WDR89: variants seen among roughly 807,000 people sequenced by gnomAD.
WDR89 encodes the protein WD repeat-containing protein 89.
WDR89 carries 17 observed loss-of-function variants against 29.1 expected under a neutral mutation model. That is an observed-to-expected ratio of 0.58 (90% CI 0.40 to 0.88). The LOEUF is 0.88. WDR89 is among the 40% of genes least tolerant of loss of function. WDR89 has a pLI of 0.00. For synonymous variants in WDR89, 138 were observed against 157.8 expected (o/e 0.87, Z 0.94); for missense variants, 396 against 456.3 (o/e 0.87, Z 1.20).
chr14:63,638,575 T>G (rs1289484847), intron 1 of WDR89, among the ~76,000 whole-genome samples: 1 of 152,246 alleles, frequency 6.6e-6, no homozygotes, highest in Non-Finnish European at 1.5e-5. Flanking sequence ...ATTATAAGAT[T>G]AGAATTCAAA....
intron 2 of WDR89, among the ~76,000 whole-genome samples, chr14:63,607,447 TA>T (rs1895370123): frequency 6.6e-6 from 1 of 152,060 alleles, no homozygotes; most frequent in East Asian, 1.9e-4. Flanking sequence ...ACAGGCATGA[TA>T]AAACTTTTTA....
chr14:63,621,218 CAAA>C, intron 2 of WDR89, among the ~76,000 whole-genome samples: 1 of 152,126 alleles, frequency 6.6e-6, no homozygotes, highest in East Asian at 1.9e-4. Context: ...TATGTTCGTG[CAAA>C]AAAACTTATA....
Position 63,616,668 on chromosome 14 carries a change from T to A in WDR89, c.-32+8260A>T, listed in dbSNP as rs115253000. Among the ~76,000 whole-genome samples, 833 of 151,916 alleles carry A rather than the reference T, an allele frequency of 5.5e-3. 6 individuals are homozygous for A. Among genetic ancestry groups the A allele is most frequent in the African/African-American group, 0.019 (787 of 41,388 alleles). The stretch of plus-strand genomic sequence containing the variant: ...CTAAAGTCAGAGAAAGAAAGAAGGG[T>A]GTAGAAAATGAGGCTAAAGAGGTAA... On this transcript the variant is annotated intron_variant, in intron 2 of 2. Transcript: ENST00000620954.
intron 1 of WDR89, among the ~76,000 whole-genome samples, chr14:63,637,846 A>G (rs990529072): frequency 6.6e-6 from 1 of 152,188 alleles, no homozygotes; most frequent in East Asian, 1.9e-4. Flanking sequence ...AATATGGTGT[A>G]GTGTATACTA....
chr14:63,616,022 T>C (rs1595026399), intron 2 of WDR89, among the ~76,000 whole-genome samples: 1 of 152,004 alleles, frequency 6.6e-6, no homozygotes, highest in East Asian at 1.9e-4. Context: ...GAGGGTGGAT[T>C]GTTTGAGCCC....
At chr14:63,621,031 A>G (rs1230802315) in intron 2 of WDR89, among the ~76,000 whole-genome samples, 2 of 152,064 alleles carry the variant, frequency 1.3e-5, no homozygotes, top group African/African-American at 4.8e-5. Flanking sequence ...ATGTATACAC[A>G]TATCAAAACA....
chr14:63,618,468 T>G (rs1882457985), intron 2 of WDR89, among the ~76,000 whole-genome samples: 6 of 152,130 alleles, frequency 3.9e-5, no homozygotes, highest in Admixed American at 3.9e-4. Context: ...AGGCGTATTT[T>G]AACAAAGAAG....
At position 63,598,106 on chromosome 14, in the gene WDR89, A is replaced by C. The variant is rs1204122898; in HGVS notation, c.*673T>G. 6.6e-6 allele frequency: 1 copy of C among 152,202 alleles called. No homozygotes were observed. Among genetic ancestry groups the C allele is most frequent in the Non-Finnish European group, 1.5e-5 (1 of 68,032 alleles). 9.4% of individuals were successfully genotyped at this position (152,202 alleles called of 1,614,324 possible). ...TAGCAATTTCTCCAAGTCGAGTCCT[A>C]TTATAAATATTTTCATTTTTGTATT... On this transcript the variant is annotated 3_prime_UTR_variant, in exon 3 of 3. Transcript: ENST00000620954.
chr14:63,618,444 T>C (rs1882456587), intron 2 of WDR89, among the ~76,000 whole-genome samples: 2 of 152,164 alleles, frequency 1.3e-5, no homozygotes, highest in Admixed American at 6.5e-5. Flanking sequence ...CAGGAGGCAG[T>C]GTGCCTGGCT....
chr14:63,613,595 C>T (rs1054842562), intron 2 of WDR89, among the ~76,000 whole-genome samples: 1 of 151,444 alleles, frequency 6.6e-6, no homozygotes, highest in African/African-American at 2.4e-5. Flanking sequence ...CCTCCACCTC[C>T]TGGATTCAAG....
In WDR89 at chr14:63,609,446, G is replaced by A. The variant is rs150443893; in HGVS notation, c.-31-9473C>T. 5.9e-3 allele frequency among the ~76,000 whole-genome samples: 892 copies of A among 152,156 alleles called. 5 individuals carry two copies. The highest frequency in any genetic ancestry group is 0.02 in the African/African-American group (846 of 41,530). On this transcript the variant is annotated intron_variant, in intron 2 of 2. Coordinates refer to ENST00000620954, the MANE Select transcript of WDR89 (RefSeq NM_080666.4). ...AACTACAGCCACACCAAATTGAGCC[G>A]GTGCTTTCTTAGATTTTATTTTTCA...
At chr14:63,639,093 G>T (rs900102488) in intron 1 of WDR89, among the ~76,000 whole-genome samples, 1 of 152,104 alleles carries the variant, frequency 6.6e-6, no homozygotes, top group African/African-American at 2.4e-5. Flanking sequence ...AAGGAAGACA[G>T]GCAGCCACTA....
At chr14:63,608,666 GCA>G (rs57605983) in intron 2 of WDR89, among the ~76,000 whole-genome samples, 1,452 of 144,090 alleles carry the variant, frequency 0.01, 13 homozygotes, top group African/African-American at 0.021. Flanking sequence ...TGTGGTGCAT[GCA>G]CACACACACA....
chr14:63,638,928 G>A (rs1883917708), intron 1 of WDR89, among the ~76,000 whole-genome samples: 1 of 152,162 alleles, frequency 6.6e-6, no homozygotes, highest in Non-Finnish European at 1.5e-5. Context: ...ACTTTACAAA[G>A]TATGTTGAGA....
rs563057137 is a variant in WDR89, at chr14:63,600,680, C to A, written c.-31-707G>T. On this transcript the variant is annotated intron_variant, in intron 2 of 2. Coordinates refer to ENST00000620954, the MANE Select transcript of WDR89 (RefSeq NM_080666.4). ...ATAATCTTCTCCTGGCCCCAGCTGC[C>A]TTACACAACTTTAGAATTTAAACAT... Among the ~76,000 whole-genome samples, 36 of 128,790 alleles carry A rather than the reference C, an allele frequency of 2.8e-4. 1 individual carries two copies. The South Asian group carries it at 4.1e-3, about 15-fold the overall frequency. 84.5% of individuals were successfully genotyped at this position (128,790 alleles called of 152,430 possible).
rs1029205662 is a variant in WDR89, at chr14:63,615,491, A to G, written c.-32+9437T>C. Among the ~76,000 whole-genome samples the G allele has an allele frequency of 2.5e-4, 38 of 152,360 alleles. 1 individual carries two copies. Among genetic ancestry groups the G allele is most frequent in the African/African-American group, 8.9e-4 (37 of 41,598 alleles). On this transcript the variant is annotated intron_variant, in intron 2 of 2. Transcript: ENST00000620954. ...CTGCAAAAAAAATGAGGAAAAACAA[A>G]AAGAACCATATCCTGTTACAGAATG...
rs1595012563 is a variant in WDR89 at position 63,599,437 on chromosome 14, T to C, written c.506A>G (p.His169Arg). 3 of 1,614,228 alleles carry C rather than the reference T, an allele frequency of 1.9e-6. No homozygotes were observed. The highest frequency in any genetic ancestry group is 2.5e-6 in the Non-Finnish European group (3 of 1,180,030). The change falls in exon 3 of 3, where the codon CAT (histidine) becomes CGT (arginine). Residue 169 changes from histidine to arginine, a missense_variant. Transcript: ENST00000620954. ...ACGTACTTGAGTGACATCATCACTA[T>C]GTGTCTCTGAATATGCACCAAGTGA... ...KDSLGAYSETHSDDVTQVRFH... is the reference protein window; with the variant it reads ...KDSLGAYSETRSDDVTQVRFH...
chr14:63,628,902 C>T (rs1883229274), intron 1 of WDR89, among the ~76,000 whole-genome samples: 1 of 151,748 alleles, frequency 6.6e-6, no homozygotes, highest in Non-Finnish European at 1.5e-5. Flanking sequence ...GGCACCTATA[C>T]TCCAGCAGCC....
intron 1 of WDR89, among the ~76,000 whole-genome samples, chr14:63,625,286 G>A (rs1026100883): frequency 1.3e-5 from 2 of 152,192 alleles, no homozygotes; most frequent in African/African-American, 2.4e-5. Context: ...TAGGGGCTGA[G>A]GTTGTGGGGA....
Sources: gnomAD v4.1 joint callset for allele counts (sites outside exome capture counted in the v4.1 genomes callset) on GRCh38, gnomAD v4.1.1 for gene constraint, MANE v1.5 for transcripts, NCBI Gene and HGNC (gene_info 2026-07-23, HGNC 2026-07-21) for gene names.